The following GLYATL2 variants were observed in gnomAD, a reference collection of about 807,000 sequenced individuals.
The protein encoded by GLYATL2 is glycine N-acyltransferase-like protein 2.
GLYATL2 carries 25 observed loss-of-function variants against 21.4 expected under a neutral mutation model. The observed-to-expected ratio is 1.17, with a 90% CI of 0.85 to 1.63. GLYATL2 has a LOEUF of 1.63. Ranked by LOEUF, GLYATL2 falls within the 40% of genes most tolerant of loss-of-function variation. The pLI, the probability that GLYATL2 is intolerant of heterozygous loss-of-function variation, is 0.00. For missense variants in GLYATL2, 361 were observed against 343.3 expected (o/e 1.05, Z -0.41); for synonymous variants, 114 against 118.2 (o/e 0.96, Z 0.23).
chr11:58,841,296 T>C (rs1324901821), intron 1 of GLYATL2, among the ~76,000 whole-genome samples: 3 of 152,172 alleles, frequency 2.0e-5, no homozygotes, highest in Admixed American at 6.5e-5. Flanking sequence ...GCTTTGGAAT[T>C]AAACAAACCA....
At chr11:58,904,571 C>G (rs1488938847), upstream of GLYATL2, among the ~76,000 whole-genome samples, 1 of 152,222 alleles carries the variant, frequency 6.6e-6, no homozygotes, top group Non-Finnish European at 1.5e-5. Flanking sequence ...ATGATTTACT[C>G]TCCGATGCAT....
At chr11:58,841,372 C>T (rs945252639) in intron 1 of GLYATL2, among the ~76,000 whole-genome samples, 1 of 151,674 alleles carries the variant, frequency 6.6e-6, no homozygotes, top group African/African-American at 2.4e-5. Context: ...TTATTTGAGT[C>T]TCTGCCTCAG....
intron 1 of GLYATL2, among the ~76,000 whole-genome samples, chr11:58,875,793 T>A (rs1854219091): frequency 2.0e-5 from 3 of 152,186 alleles, no homozygotes; most frequent in Admixed American, 2.0e-4. Context: ...TCGAGGAGTA[T>A]ATTTGTGGCA....
In GLYATL2 at chr11:58,887,283, AT is replaced by A. The variant is rs367983071; in HGVS notation, n.60+16872del. 6.1e-3 allele frequency among the ~76,000 whole-genome samples: 922 copies of A among 152,300 alleles called. 8 individuals carry two copies. The highest frequency in any genetic ancestry group is 0.021 in the African/African-American group (875 of 41,568). ...AATGGAAATAATGAAATATACTGCA[AT>A]TTACTTGGAAATACATTCATCTAGT... On this transcript the variant is annotated intron_variant and non_coding_transcript_variant, in intron 1 of 4. Transcript: ENST00000533636.
intron 5 of GLYATL2, 29 bp from the exon 6 acceptor site, chr11:58,834,866 T>C (rs752307700): frequency 6.7e-7 from 1 of 1,500,918 alleles, no homozygotes; most frequent in Non-Finnish European, 9.0e-7. Flanking sequence ...TTACATTTAT[T>C]CAGCCAATAT....
At chr11:58,898,853 C>A (rs1030805435) in intron 1 of GLYATL2, among the ~76,000 whole-genome samples, 4 of 152,066 alleles carry the variant, frequency 2.6e-5, no homozygotes, top group Admixed American at 6.6e-5. Flanking sequence ...AAATAAAATT[C>A]TTTCTCCAAT....
chr11:58,905,383 G>A (rs1049723315), upstream of GLYATL2: 18 of 440,592 alleles, frequency 4.1e-5, no homozygotes, highest in Admixed American at 4.1e-4. Flanking sequence ...TGCTGCCGCT[G>A]GATCCCGCCT....
intron 2 of GLYATL2, among the ~76,000 whole-genome samples, chr11:58,838,770 G>A (rs55739408): frequency 3.0e-4 from 46 of 152,216 alleles, no homozygotes; most frequent in African/African-American, 1.1e-3. Context: ...GTTAAGTTTA[G>A]AAGGATAGAG....
rs1282998880 is a variant in GLYATL2, at chr11:58,856,837, A to G, written n.61-18469T>C. On this transcript the variant is annotated intron_variant and non_coding_transcript_variant, in intron 1 of 4. Transcript: ENST00000533636. ...GACACAATAACAAAGAAAAAGTCTG[A>G]ATATATTGGGAATGACTAAAATGTA... is the stretch of plus-strand genomic sequence containing the variant. Among the ~76,000 whole-genome samples the G allele has an allele frequency of 2.0e-5, 3 of 152,222 alleles. No homozygotes were observed. The East Asian group carries it at 5.8e-4, about 29-fold the overall frequency.
chr11:58,850,626 C>G (rs535014), intron 1 of GLYATL2, among the ~76,000 whole-genome samples: 1 of 151,628 alleles, frequency 6.6e-6, no homozygotes, highest in African/African-American at 2.4e-5. Flanking sequence ...CACTAGATGG[C>G]TCCTTGGTCT....
chr11:58,863,127 A>AC (rs539447626), intron 1 of GLYATL2, among the ~76,000 whole-genome samples: 253 of 24,210 alleles, frequency 0.01, 2 homozygotes, highest in African/African-American at 0.013. Flanking sequence ...CTGGGTGGAT[A>AC]TTATGCATAT....
rs144993163 is a variant in GLYATL2, at chr11:58,865,771, A to G, written n.61-27403T>C. On this transcript the variant is annotated intron_variant and non_coding_transcript_variant, in intron 1 of 4. Transcript: ENST00000533636. ...TTCTTAACCACTGTTTTAGGACATG[A>G]CTTTAGAGAACGCATTAGCAGGGAC... Among the ~76,000 whole-genome samples the G allele has an allele frequency of 9.0e-4, 134 of 149,150 alleles. 3 individuals carry two copies. Among genetic ancestry groups the G allele is most frequent in the African/African-American group, 3.2e-3 (131 of 41,374 alleles).
chr11:58,856,810 C>G (rs1485517886), intron 1 of GLYATL2, among the ~76,000 whole-genome samples: 1 of 152,100 alleles, frequency 6.6e-6, no homozygotes, highest in Non-Finnish European at 1.5e-5. Flanking sequence ...ATCACCTTAA[C>G]AGACACAATA....
chr11:58,900,017 G>C (rs573269687), intron 1 of GLYATL2, among the ~76,000 whole-genome samples: 2 of 152,020 alleles, frequency 1.3e-5, no homozygotes, highest in South Asian at 4.2e-4. Flanking sequence ...ATTTTGGGGG[G>C]TGGGGGGAGA....
intron 1 of GLYATL2, among the ~76,000 whole-genome samples, chr11:58,857,791 T>C (rs922375243): frequency 6.7e-6 from 1 of 149,308 alleles, no homozygotes; most frequent in Non-Finnish European, 1.5e-5. Flanking sequence ...CAAATCTAGA[T>C]AAGCACAGTG....
At chr11:58,898,557 G>GGGT (rs1396138630) in intron 1 of GLYATL2, among the ~76,000 whole-genome samples, 6 of 151,326 alleles carry the variant, frequency 4.0e-5, no homozygotes, top group Admixed American at 4.0e-4. Context: ...TCTCTAGGCC[G>GGGT]GGTGCAGTGA....
chr11:58,909,715 A>G, the GLYATL2 span, among the ~76,000 whole-genome samples: 3 of 152,220 alleles, frequency 2.0e-5, no homozygotes, highest in Non-Finnish European at 2.9e-5. Flanking sequence ...AATGCTTTCT[A>G]GACTGGTAAG....
chr11:58,888,072 A>C (rs1240139049), intron 1 of GLYATL2, among the ~76,000 whole-genome samples: 1 of 152,092 alleles, frequency 6.6e-6, no homozygotes, highest in Admixed American at 6.6e-5. Flanking sequence ...GCATTTCCCT[A>C]TTAATATTCA....
Position 58,865,016 on chromosome 11 carries a change from GATGA to G in GLYATL2, n.61-26652_61-26649del, listed in dbSNP as rs1250240027. 2.0e-5 allele frequency among the ~76,000 whole-genome samples: 3 copies of G among 149,010 alleles called. No homozygotes were observed. The East Asian group carries it at 6.6e-4, about 33-fold the overall frequency. ...TAGAGCAGACAAAACTTTTGGAGGT[GATGA>G]ATATGTTTATGGCATAGGTTGTGTT... On this transcript the variant is annotated intron_variant and non_coding_transcript_variant, in intron 1 of 4. Transcript: ENST00000533636.
Sources: allele counts gnomAD v4.1 joint callset (sites outside exome capture counted in the v4.1 genomes callset), GRCh38; gene constraint gnomAD v4.1.1; transcripts MANE v1.5; gene names NCBI Gene and HGNC (gene_info 2026-07-23, HGNC 2026-07-21).